Variants in PTPRN2 observed in about 807,000 individuals in gnomAD.
PTPRN2 encodes receptor-type tyrosine-protein phosphatase N2.
In PTPRN2, 74 loss-of-function variants were observed where a neutral mutation model predicts 118.8. The ratio of observed to expected loss-of-function variants is 0.62; its 90% CI spans 0.52 to 0.76. The LOEUF is 0.76. Among genes scored for constraint, PTPRN2 ranks in the 30% least tolerant of loss-of-function variants. The pLI, the probability that PTPRN2 is intolerant of heterozygous loss-of-function variation, is 0.00. For synonymous variants in PTPRN2, 641 were observed against 608.0 expected (o/e 1.05, Z -0.80); for missense variants, 1,481 against 1,394.4 (o/e 1.06, Z -0.99).
At chr7:157,836,050 A>G (rs990388329) in intron 12 of PTPRN2, among the ~76,000 whole-genome samples, 2 of 152,350 alleles carry the variant, frequency 1.3e-5, no homozygotes, top group African/African-American at 4.8e-5. Context: ...TCGTGAGTCT[A>G]TTTCAGAAAA....
chr7:157,602,141 G>A (rs1382302960), intron 16 of PTPRN2, among the ~76,000 whole-genome samples: 1 of 152,252 alleles, frequency 6.6e-6, no homozygotes, highest in Non-Finnish European at 1.5e-5. Context: ...TCTGCTGGAA[G>A]GAAGGAAGTG....
chr7:158,396,985 TTC>T (rs1030690127), intron 2 of PTPRN2, among the ~76,000 whole-genome samples: 4 of 152,240 alleles, frequency 2.6e-5, no homozygotes, highest in African/African-American at 9.6e-5. Context: ...AAACTTTATT[TTC>T]TGTCTTTTGA....
intron 2 of PTPRN2, among the ~76,000 whole-genome samples, chr7:158,468,201 G>A (rs1291227103): frequency 1.3e-5 from 2 of 152,102 alleles, no homozygotes; most frequent in African/African-American, 4.8e-5. Context: ...TTCTTAAATG[G>A]CAAATTAGTC....
chr7:157,644,503 A>G (rs1804902174), intron 14 of PTPRN2, among the ~76,000 whole-genome samples: 1 of 152,290 alleles, frequency 6.6e-6, no homozygotes, highest in African/African-American at 2.4e-5. Flanking sequence ...TTCATCAATT[A>G]AAGCAGCACT....
chr7:158,312,201 CATG>C (rs1801837548), intron 3 of PTPRN2, among the ~76,000 whole-genome samples: 1 of 95,210 alleles, frequency 1.1e-5, no homozygotes, highest in Non-Finnish European at 2.3e-5. Flanking sequence ...TAGACACTCA[CATG>C]CACACACACG....
rs1384863662 is a variant in PTPRN2, at chr7:158,330,901, A to T, written c.164-13969T>A. Among the ~76,000 whole-genome samples, 6 of 106,626 alleles carry T rather than the reference A, an allele frequency of 5.6e-5. 1 individual carries two copies. The highest frequency in any genetic ancestry group is 7.8e-5 in the Non-Finnish European group (4 of 51,062). The allele number at this position is 106,626 out of a possible 152,430, so 70.0% of individuals were successfully genotyped here. On this transcript the variant is annotated intron_variant, in intron 2 of 22. Coordinates refer to ENST00000389418, the MANE Select transcript of PTPRN2 (RefSeq NM_002847.5). Reference sequence around the variant, plus strand: ...TTCACACCCAAACTCTCACCATAAGAGCTGACACCTGCAGACGTCACTCAC... The same window carrying T: ...TTCACACCCAAACTCTCACCATAAGTGCTGACACCTGCAGACGTCACTCAC...
chr7:157,981,120 T>C (rs986628868), intron 11 of PTPRN2, among the ~76,000 whole-genome samples: 1 of 152,252 alleles, frequency 6.6e-6, no homozygotes, highest in Non-Finnish European at 1.5e-5. Flanking sequence ...GCTCCTCATA[T>C]ACCAAAGTTG....
chr7:157,575,342 C>T (rs79117925), intron 19 of PTPRN2, among the ~76,000 whole-genome samples: 11 of 152,136 alleles, frequency 7.2e-5, no homozygotes, highest in African/African-American at 2.4e-4. Flanking sequence ...AGGAAATTAG[C>T]GTGGGTGAGG....
At chr7:157,624,300 A>G (rs1338181339) in intron 14 of PTPRN2, among the ~76,000 whole-genome samples, 1 of 152,142 alleles carries the variant, frequency 6.6e-6, no homozygotes, top group African/African-American at 2.4e-5. Flanking sequence ...GGGCGCCTCT[A>G]AGCCCAACTA....
rs948832301 is a variant in PTPRN2, at chr7:157,611,031, G to A, written c.2345-6956C>T. ...AGAGATGGTCATGAAAATGAGACCT[G>A]CCCCACCCACCACTCAGGAGGCACG... On this transcript the variant is annotated intron_variant, in intron 15 of 22. Transcript: ENST00000389418. This position sits in a 1 kb window ranked among gnomAD's most constrained non-coding sequence, Gnocchi z 5.9. Among the ~76,000 whole-genome samples the A allele has an allele frequency of 2.0e-5, 3 of 152,176 alleles. No individual in the cohort carries two copies. The highest frequency in any genetic ancestry group is 2.0e-4 in the Admixed American group (3 of 15,274).
intron 9 of PTPRN2, among the ~76,000 whole-genome samples, chr7:158,116,451 C>T (rs1302547773): frequency 6.6e-6 from 1 of 152,242 alleles, no homozygotes; most frequent in African/African-American, 2.4e-5. Context: ...TGTCAGCTTT[C>T]ATCACAGTAG....
At chr7:158,581,983 C>T (rs1213325762) in intron 1 of PTPRN2, among the ~76,000 whole-genome samples, 1 of 152,226 alleles carries the variant, frequency 6.6e-6, no homozygotes, top group African/African-American at 2.4e-5. Flanking sequence ...CCCATTTTTA[C>T]TTCCTGTTCT....
intron 11 of PTPRN2, among the ~76,000 whole-genome samples, chr7:157,976,882 C>T (rs553987441): frequency 1.9e-4 from 29 of 151,854 alleles, no homozygotes; most frequent in Non-Finnish European, 3.5e-4. Context: ...GATATAAACA[C>T]TTCTGCTTAA....
At chr7:157,614,157 G>A (rs2150611724) in intron 15 of PTPRN2, 2 of 455,440 alleles carry the variant, frequency 4.4e-6, no homozygotes, top group Admixed American at 2.4e-5. Context: ...GAGGAAGGGG[G>A]AGGACAGGGG....
At chr7:158,116,743 T>G (rs1816761390) in intron 9 of PTPRN2, among the ~76,000 whole-genome samples, 1 of 152,196 alleles carries the variant, frequency 6.6e-6, no homozygotes, top group Non-Finnish European at 1.5e-5. Context: ...TTTCCCACCT[T>G]CATTTTTCTC....
chr7:157,741,820 C>T (rs1195803852), intron 12 of PTPRN2, among the ~76,000 whole-genome samples: 8 of 152,182 alleles, frequency 5.3e-5, no homozygotes, highest in Non-Finnish European at 7.3e-5. Context: ...TTCATGTCCC[C>T]GGCATTTTTA....
At chr7:158,087,839 A>AC (rs1251555816) in intron 10 of PTPRN2, among the ~76,000 whole-genome samples, 1 of 97,756 alleles carries the variant, frequency 1.0e-5, no homozygotes, top group African/African-American at 2.9e-5. Flanking sequence ...GTCTTCACAC[A>AC]AACCTTCTTC....
At chr7:158,096,477 G>A (rs1390236728) in intron 10 of PTPRN2, among the ~76,000 whole-genome samples, 2 of 152,228 alleles carry the variant, frequency 1.3e-5, no homozygotes, top group Non-Finnish European at 2.9e-5. Context: ...CTTAACCTGA[G>A]AAATGCCACC....
chr7:158,300,082 T>A (rs1800777311), intron 3 of PTPRN2, among the ~76,000 whole-genome samples: 1 of 152,194 alleles, frequency 6.6e-6, no homozygotes, highest in Non-Finnish European at 1.5e-5. Flanking sequence ...AAACCTAGGA[T>A]GTTTTGGCAG....
Sources: allele counts gnomAD v4.1 joint callset (sites outside exome capture counted in the v4.1 genomes callset), GRCh38; gene constraint gnomAD v4.1.1; non-coding constraint Gnocchi (gnomAD v3.1); transcripts MANE v1.5; gene names NCBI Gene and HGNC (gene_info 2026-07-23, HGNC 2026-07-21).